BICD2: variants seen among roughly 807,000 people sequenced by gnomAD.
BICD2 encodes the protein BICD cargo adaptor 2.
In BICD2, 25 loss-of-function variants were observed where a neutral mutation model predicts 72.9. The ratio of observed to expected loss-of-function variants is 0.34; its 90% CI spans 0.25 to 0.48. The LOEUF is 0.48. Ranked by LOEUF, BICD2 falls within the 20% of genes least tolerant of loss-of-function variation. BICD2 has a pLI of 0.99. For missense variants in BICD2, 894 were observed against 1,175.2 expected (o/e 0.76, Z 3.50); for synonymous variants, 501 against 516.1 (o/e 0.97, Z 0.40).
intron 1 of BICD2, among the ~76,000 whole-genome samples, chr9:92,733,692 G>C (rs531993686): frequency 6.6e-6 from 1 of 152,170 alleles, no homozygotes; most frequent in East Asian, 1.9e-4. Context: ...GATAGGCTGG[G>C]TGCGGTGGCT....
At chr9:92,753,114 C>T (rs551197138) in intron 1 of BICD2, among the ~76,000 whole-genome samples, 3 of 152,266 alleles carry the variant, frequency 2.0e-5, no homozygotes, top group Non-Finnish European at 2.9e-5. Context: ...AATCTAACCA[C>T]GAGAAAAAAC....
At position 92,714,376 on chromosome 9, in the gene BICD2, C is replaced by T. The variant is rs906865917; in HGVS notation, c.*778G>A. 3 of 985,388 alleles carry T rather than the reference C, an allele frequency of 3.0e-6. No individual in the cohort carries two copies. Among genetic ancestry groups the T allele is most frequent in the African/African-American group, 3.5e-5 (2 of 57,264 alleles). 61.0% of individuals were successfully genotyped at this position (985,388 alleles called of 1,614,324 possible). A position where few individuals can be genotyped will look rare whatever the true frequency, so the allele number is the denominator to read the frequency against. The stretch of plus-strand genomic sequence containing the variant: ...CTAAGGACCAAGGTCTGGCCAGGCA[C>T]TTGGAAAGCTTTTCTCATGAAAAAT... On this transcript the variant is annotated 3_prime_UTR_variant, in exon 7 of 7. Transcript: ENST00000356884.
At chr9:92,735,703 G>A (rs971442388) in intron 1 of BICD2, among the ~76,000 whole-genome samples, 2 of 152,026 alleles carry the variant, frequency 1.3e-5, no homozygotes, top group Non-Finnish European at 2.9e-5. Flanking sequence ...TGACCTCTGC[G>A]AGTGCCTCAT....
At chr9:92,718,362 C>T (rs921169242) in intron 5 of BICD2, among the ~76,000 whole-genome samples, 177 bp downstream of exon 5, 21 of 152,228 alleles carry the variant, frequency 1.4e-4, no homozygotes, top group African/African-American at 4.8e-4. Flanking sequence ...GCTCCACCCT[C>T]CCAGCTGGGG....
chr9:92,739,298 T>C (rs1302821504), intron 1 of BICD2, among the ~76,000 whole-genome samples: 2 of 152,178 alleles, frequency 1.3e-5, no homozygotes, highest in Non-Finnish European at 2.9e-5. Context: ...CTCTGGTAGG[T>C]ACCAATGATA....
chr9:92,718,430 GT>G, intron 5 of BICD2, 108 bp downstream of exon 5: 2 of 1,320,614 alleles, frequency 1.5e-6, no homozygotes, highest in East Asian at 4.9e-5. Flanking sequence ...CTGTCTGGTG[GT>G]GACGCAGGCC....
chr9:92,748,193 C>T (rs1385355634), intron 1 of BICD2, among the ~76,000 whole-genome samples: 1 of 152,116 alleles, frequency 6.6e-6, no homozygotes, highest in Non-Finnish European at 1.5e-5. Flanking sequence ...CAGGCTTGCC[C>T]CTGTCCTGGG....
In BICD2 at chr9:92,715,293, C is replaced by T. The variant is rs556905704; in HGVS notation, c.2429G>A (p.Arg810His). The part of the protein sequence containing the change: ...ELDHEQTRRG[R>H]AKAAPKTKPA... Reference sequence around the variant, plus strand: ...CTTGGTCTTCGGGGCGGCTTTGGCACGGCCACGCCGGGTCTGCTCATGGTC... The same window carrying T: ...CTTGGTCTTCGGGGCGGCTTTGGCATGGCCACGCCGGGTCTGCTCATGGTC... Residue 810 changes from arginine to histidine, a missense_variant, in exon 7 of 7, where the codon CGT becomes CAT. Physicochemically the swap from Arg to His is conservative, Grantham distance 29 (BLOSUM62 0). Transcript: ENST00000356884. 51 of 1,612,556 alleles carry T rather than the reference C, an allele frequency of 3.2e-5. No homozygotes were observed. The highest frequency in any genetic ancestry group is 4.5e-5 in the East Asian group (2 of 44,892).
chr9:92,756,740 G>A (rs1033515358), intron 1 of BICD2, among the ~76,000 whole-genome samples: 20 of 151,606 alleles, frequency 1.3e-4, no homozygotes, highest in African/African-American at 4.6e-4. Context: ...GGTGGTGCAC[G>A]CCTGTAATCC....
chr9:92,740,491 C>G (rs1176274752), intron 1 of BICD2, among the ~76,000 whole-genome samples: 1 of 151,214 alleles, frequency 6.6e-6, no homozygotes, highest in Non-Finnish European at 1.5e-5. Context: ...CAAATCATAT[C>G]AAAACTTCAG....
At chr9:92,744,184 T>C (rs1853958004) in intron 1 of BICD2, among the ~76,000 whole-genome samples, 2 of 152,192 alleles carry the variant, frequency 1.3e-5, no homozygotes, top group African/African-American at 4.8e-5. Context: ...AGGCGTGGTA[T>C]ATCCACACAA....
At chr9:92,757,155 A>G (rs1385574628) in intron 1 of BICD2, among the ~76,000 whole-genome samples, 3 of 152,058 alleles carry the variant, frequency 2.0e-5, no homozygotes, top group African/African-American at 7.2e-5. Flanking sequence ...CTCTACTAAA[A>G]TACAAAAAAT....
intron 1 of BICD2, among the ~76,000 whole-genome samples, chr9:92,739,356 T>C (rs2131519945): frequency 6.6e-6 from 1 of 152,334 alleles, no homozygotes; most frequent in South Asian, 2.1e-4. Flanking sequence ...TCCGAGGGCC[T>C]GTAGCCCAGA....
intron 1 of BICD2, among the ~76,000 whole-genome samples, chr9:92,755,050 A>G (rs950306387): frequency 7.2e-5 from 11 of 152,256 alleles, no homozygotes; most frequent in African/African-American, 2.7e-4. Flanking sequence ...AATGGGAGAA[A>G]TATCACTGAA....
intron 1 of BICD2, among the ~76,000 whole-genome samples, chr9:92,731,982 A>G (rs1189597298): frequency 6.6e-6 from 1 of 152,250 alleles, no homozygotes. Flanking sequence ...TGAAAGGATC[A>G]ATCTGATTCC....
Position 92,719,540 on chromosome 9 carries a change from T to C in BICD2, c.1105A>G (p.Thr369Ala). 6.2e-7 allele frequency: 1 copy of C among 1,611,870 alleles called. No individual in the cohort carries two copies. The highest frequency in any genetic ancestry group is 8.5e-7 in the Non-Finnish European group (1 of 1,179,552). ...CGCGTGTGCTCCAGCTGCTTCTGTG[T>C]GTCCTGCAGCGTTGCCAGCAGGCCC... is the stretch of plus-strand genomic sequence containing the variant. Reference protein sequence around the residue: ...KAGLLATLQDTQKQLEHTRGS... With the variant: ...KAGLLATLQDAQKQLEHTRGS... Residue 369 changes from threonine to alanine, a missense_variant, in exon 5 of 7, where the codon ACA (threonine) becomes GCA (alanine). Physicochemically the swap from Thr to Ala is moderately conservative, Grantham distance 58. Coordinates refer to ENST00000356884, the MANE Select transcript of BICD2 (RefSeq NM_001003800.2).
intron 1 of BICD2, among the ~76,000 whole-genome samples, chr9:92,739,414 G>GAT (rs1412966021): frequency 1.3e-5 from 2 of 152,196 alleles, no homozygotes; most frequent in Non-Finnish European, 2.9e-5. Flanking sequence ...ATCACAGGAT[G>GAT]ATAAAACTCA....
At chr9:92,723,703 T>G (rs1047833522) in intron 2 of BICD2, among the ~76,000 whole-genome samples, 1 of 152,138 alleles carries the variant, frequency 6.6e-6, no homozygotes, top group Non-Finnish European at 1.5e-5. Context: ...GAGATGTAAA[T>G]CACCTGAATA....
chr9:92,715,430 C>T lies in BICD2; in HGVS notation c.2292G>A (p.Met764Ile). The T allele has an allele frequency of 6.2e-7, 1 of 1,603,436 alleles. No individual in the cohort carries two copies. Among genetic ancestry groups the T allele is most frequent in the Non-Finnish European group, 8.5e-7 (1 of 1,172,116 alleles). The change falls in exon 7 of 7, where the codon ATG becomes ATA. Residue 764 changes from methionine to isoleucine, a missense_variant. Physicochemically the swap from Met to Ile is conservative, Grantham distance 10. Around this residue, in one of 5 missense-constraint regions of BICD2, gnomAD observed 321 missense variants for 443.9 expected, o/e 0.72. Transcript: ENST00000356884. ...CDEYITQLDEMQRQLAAAEDE... is the reference protein window; with the variant it reads ...CDEYITQLDEIQRQLAAAEDE... The stretch of plus-strand genomic sequence containing the variant: ...CCTCAGCAGCCGCCAGCTGCCGCTG[C>T]ATCTCATCCAGCTGTGTAATGTACT...
Sources: allele counts gnomAD v4.1 joint callset (sites outside exome capture counted in the v4.1 genomes callset), GRCh38; gene constraint gnomAD v4.1.1; regional missense constraint gnomAD v4.1.1; transcripts MANE v1.5; gene names NCBI Gene and HGNC (gene_info 2026-07-23, HGNC 2026-07-21).